The following MFSD12 variants were observed in gnomAD, a reference collection of about 807,000 sequenced individuals.
MFSD12 encodes the protein major facilitator superfamily domain-containing protein 12.
Under a neutral mutation model 51.2 loss-of-function variants are expected in MFSD12, and 67 were observed. The ratio of observed to expected loss-of-function variants is 1.31; its 90% confidence interval spans 1.08 to 1.60. The LOEUF (loss-of-function observed/expected upper bound fraction) is 1.60, where lower values mean the gene tolerates loss of function less well. MFSD12 is among the 40% of genes most tolerant of loss of function. The pLI is 0.00. For synonymous variants in MFSD12, 441 were observed against 316.7 expected (o/e 1.39, Z -4.17); for missense variants, 921 against 673.0 (o/e 1.37, Z -4.08).
rs56203814 is a variant in MFSD12, at chr19:3,544,894, C to T, written c.1335G>A (p.Ala445=). Residue 445 remains alanine, a synonymous_variant, in exon 9 of 10, where the codon GCG becomes GCA. Transcript: ENST00000355415. ...CRACVSFYHW[A]MVAVTGGVGV... ...CCACGCCGCCCGTCACAGCCACCAT[C>T]GCCCAGTGGTAAAAGCTCACGCAGG... 25,691 of 1,611,742 alleles carry T rather than the reference C, an allele frequency of 0.016. 1,050 individuals carry two copies. In the African/African-American group the frequency reaches 0.16, roughly 10 times the overall value.
exon 5 of MFSD12, chr19:3,538,741 G>A (rs760181217): frequency 1.4e-5 from 7 of 484,856 alleles, no homozygotes; most frequent in Non-Finnish European, 2.1e-5. Flanking sequence ...GTGAGCCACT[G>A]CGTGCAGGTC....
intron 2 of MFSD12, 145 bp downstream of exon 2, chr19:3,550,837 AGT>A: frequency 7.3e-6 from 5 of 680,390 alleles, no homozygotes; most frequent in Non-Finnish European, 1.2e-5. Context: ...TGGGCAACAG[AGT>A]GAGACCCCCT....
In MFSD12 at chr19:3,551,502, TCCTCCC is replaced by T. The variant is rs777443091; in HGVS notation, c.299-314_299-309del. On this transcript the variant is annotated intron_variant, in intron 1 of 9. Coordinates refer to ENST00000355415, the MANE Select transcript of MFSD12 (RefSeq NM_174983.5). The surrounding 1 kb of genome is among the most constrained non-coding windows in gnomAD (Gnocchi z 4.6). Reference sequence around the variant, plus strand: ...GGTTACAGCCGCAGCCTCCCCCAGCTCCTCCCCCTCGGCCACTATCAAGCCTCCCAT... The same window carrying T: ...GGTTACAGCCGCAGCCTCCCCCAGCTCCTCGGCCACTATCAAGCCTCCCAT... Among the ~76,000 whole-genome samples, 2 of 151,594 alleles carry T rather than the reference TCCTCCC, an allele frequency of 1.3e-5. No homozygotes were observed. Among genetic ancestry groups the T allele is most frequent in the Non-Finnish European group, 1.5e-5 (1 of 67,862 alleles).
intron 2 of MFSD12, among the ~76,000 whole-genome samples, chr19:3,548,644 C>A (rs1030989493): frequency 6.6e-6 from 1 of 152,124 alleles, no homozygotes; most frequent in Non-Finnish European, 1.5e-5. Flanking sequence ...CTAGAACCAT[C>A]CAGGCCAGCC....
chr19:3,548,795 A>G (rs866130098), intron 2 of MFSD12, among the ~76,000 whole-genome samples: 39 of 152,344 alleles, frequency 2.6e-4, no homozygotes, highest in African/African-American at 7.2e-4. Context: ...TGGCAAAGCA[A>G]TGGCACGTAG....
chr19:3,542,187 A>G, downstream of MFSD12: 8 of 985,372 alleles, frequency 8.1e-6, no homozygotes, highest in Non-Finnish European at 9.6e-6. Context: ...GGTTCTCCTG[A>G]TCTTGAAATT....
intron 1 of MFSD12, among the ~76,000 whole-genome samples, chr19:3,552,412 C>A (rs1391648416): frequency 6.6e-6 from 1 of 151,264 alleles, no homozygotes; most frequent in Non-Finnish European, 1.5e-5. Context: ...AGGTGATCCA[C>A]CCGCCTCGGC....
In MFSD12 at chr19:3,552,687, G is replaced by A. The variant is rs553686676; in HGVS notation, c.299-1493C>T. Among the ~76,000 whole-genome samples the A allele has an allele frequency of 1.4e-3, 208 of 151,958 alleles. 2 individuals are homozygous for A. Among genetic ancestry groups the A allele is most frequent in the Non-Finnish European group, 2.0e-3 (133 of 67,974 alleles). On this transcript the variant is annotated intron_variant, in intron 1 of 9. Transcript: ENST00000355415. Reference sequence around the variant, plus strand: ...TTTGGTAGGGATGGGGTTTCACCACGTTGGCCAGGCTGAAGTCGAACTCCT... The same window carrying A: ...TTTGGTAGGGATGGGGTTTCACCACATTGGCCAGGCTGAAGTCGAACTCCT...
rs1187548758 is a variant in MFSD12, at chr19:3,554,450, CA to C, written c.298+2655del. Among the ~76,000 whole-genome samples, 616 of 71,712 alleles carry C rather than the reference CA, an allele frequency of 8.6e-3. 2 individuals carry two copies. Among genetic ancestry groups the C allele is most frequent in the Middle Eastern group, 0.029 (3 of 104 alleles). The allele number at this position is 71,712 out of a possible 152,430, so 47.0% of individuals were successfully genotyped here. A position where few individuals can be genotyped will look rare whatever the true frequency, so the allele number is the denominator to read the frequency against. ...AGACTCTGTCTCAACAACAACAAAA[CA>C]AAAAAAAAAAAAAAAGAAAGAAAGT... On this transcript the variant is annotated intron_variant, in intron 1 of 9. Transcript: ENST00000355415.
rs1387678119 is a variant in MFSD12 at position 3,557,368 on chromosome 19, C to G, written c.36G>C (p.Pro12=). The part of the protein sequence containing the change: ...GPGPPAAGAA[P]SPRPLSLVAR... ...CCACCAGGGACAGCGGCCGCGGGGA[C>G]GGCGCCGCTCCGGCCGCTGGGGGTC... is the stretch of plus-strand genomic sequence containing the variant. The change falls in exon 1 of 10, where the codon CCG becomes CCC. Residue 12 remains proline (P), a synonymous_variant. Coordinates refer to ENST00000355415, the MANE Select transcript of MFSD12 (RefSeq NM_174983.5). 2 of 1,475,268 alleles carry G rather than the reference C, an allele frequency of 1.4e-6. No individual in the cohort carries two copies. The highest frequency in any genetic ancestry group is 1.8e-6 in the Non-Finnish European group (2 of 1,110,344). The allele number at this position is 1,475,268 out of a possible 1,614,324, so 91.4% of individuals were successfully genotyped here.
chr19:3,543,467 C>G, downstream of MFSD12: 3 of 1,532,934 alleles, frequency 2.0e-6, no homozygotes, highest in Non-Finnish European at 2.6e-6. Context: ...GTGCAGCATG[C>G]CATCGGGTGA....
chr19:3,545,913 G>C (rs2030977617), intron 8 of MFSD12, among the ~76,000 whole-genome samples, 161 bp downstream of exon 8: 2 of 152,238 alleles, frequency 1.3e-5, no homozygotes, highest in South Asian at 4.1e-4. Flanking sequence ...GAAGTGCTCA[G>C]TGGAAGAAAG....
At chr19:3,549,357 A>G (rs1354306969) in intron 2 of MFSD12, among the ~76,000 whole-genome samples, 1 of 152,216 alleles carries the variant, frequency 6.6e-6, no homozygotes, top group Non-Finnish European at 1.5e-5. Flanking sequence ...GCTAAGTGGC[A>G]TTCTATAGCA....
chr19:3,544,817 AG>A lies in MFSD12; in HGVS notation c.1411del (p.Leu471CysfsTer13), dbSNP rs1568252543. 6 of 1,612,388 alleles carry A rather than the reference AG, an allele frequency of 3.7e-6. No homozygotes were observed. The South Asian group carries it at 4.4e-5, about 12-fold the overall frequency. On this transcript the variant is annotated frameshift_variant, in exon 9 of 10. Coordinates refer to ENST00000355415, the MANE Select transcript of MFSD12 (RefSeq NM_174983.5). LOFTEE classifies it high-confidence loss of function. ...GGTGGGCCAGGACTCACAGCGTCGC[AG>A]GCGGGTCGGCCACAGCAGGAGGCTA... ...LCSLLLWPTR[L>X]RRWDRDARP is the part of the protein sequence containing the mutation.
intron 2 of MFSD12, among the ~76,000 whole-genome samples, 174 bp from the exon 3 acceptor site, chr19:3,548,441 C>T (rs11085022): frequency 0.1 from 15,423 of 152,210 alleles, 1,074 homozygotes; most frequent in Middle Eastern, 0.18. Flanking sequence ...TTCCCCAGCC[C>T]GCACATTACC....
At chr19:3,545,150 T>C (rs2030881359) in intron 8 of MFSD12, among the ~76,000 whole-genome samples, 1 of 152,072 alleles carries the variant, frequency 6.6e-6, no homozygotes, top group South Asian at 2.1e-4. Context: ...AAATCCACCA[T>C]GTCTCCCCTT....
Position 3,544,462 on chromosome 19 carries a change from A to C in MFSD12, c.*248T>G. ...TTCCCTGCCGAGAGGGGCACCCCAA[A>C]TCCTCCAGAGGGCTGGGATGGATTA... On this transcript the variant is annotated 3_prime_UTR_variant, in exon 10 of 10. Coordinates refer to ENST00000355415, the MANE Select transcript of MFSD12 (RefSeq NM_174983.5). 2 of 1,347,000 alleles carry C rather than the reference A, an allele frequency of 1.5e-6. No individual in the cohort carries two copies. Among genetic ancestry groups the C allele is most frequent in the East Asian group, 5.4e-5 (2 of 36,702 alleles). The allele number at this position is 1,347,000 out of a possible 1,614,324, so 83.4% of individuals were successfully genotyped here.
chr19:3,540,337 A>G (rs981507795), downstream of MFSD12, among the ~76,000 whole-genome samples: 3 of 151,230 alleles, frequency 2.0e-5, no homozygotes, highest in Admixed American at 1.3e-4. Context: ...GGCTCACTGC[A>G]ACCTCCAACT....
chr19:3,551,155 C>G lies in MFSD12; in HGVS notation c.338G>C (p.Ser113Thr). ...CVLLSFPFIF[S>T]PCLGCGAATP... ...GGCCGCCCCACAGCCCAGGCAGGGG[C>G]TGAAGATGAAGGGGAAGGACAGCAG... Residue 113 changes from serine (S) to threonine (T), a missense_variant, in exon 2 of 10, where the codon AGC becomes ACC. Coordinates refer to ENST00000355415, the MANE Select transcript of MFSD12 (RefSeq NM_174983.5). This position sits in a 1 kb window ranked among gnomAD's most constrained non-coding sequence, Gnocchi z 4.6. 2 of 1,612,288 alleles carry G rather than the reference C, an allele frequency of 1.2e-6. No homozygotes were observed. The highest frequency in any genetic ancestry group is 1.7e-6 in the Non-Finnish European group (2 of 1,179,708).
Sources: gnomAD v4.1 joint callset for allele counts (sites outside exome capture counted in the v4.1 genomes callset) on GRCh38, gnomAD v4.1.1 for gene constraint, Gnocchi (gnomAD v3.1) non-coding constraint, MANE v1.5 for transcripts, NCBI Gene and HGNC (gene_info 2026-07-23, HGNC 2026-07-21) for gene names.